MED13: variants seen among roughly 807,000 people sequenced by gnomAD.
The protein encoded by MED13 is mediator complex subunit 13.
A neutral mutation model predicts 225.2 loss-of-function variants in MED13; 23 were observed. The observed-to-expected ratio is 0.10, with a 90% CI of 0.07 to 0.14. The LOEUF is 0.14. MED13 is among the 10% of genes least tolerant of loss of function. The pLI is 1.00. For synonymous variants in MED13, 942 were observed against 889.2 expected (o/e 1.06, Z -1.06); for missense variants, 2,197 against 2,594.5 (o/e 0.85, Z 3.33).
chr17:62,018,465 G>A (rs557261052), intron 8 of MED13, among the ~76,000 whole-genome samples: 2 of 152,278 alleles, frequency 1.3e-5, no homozygotes, highest in African/African-American at 4.8e-5. Context: ...AACACTTTGG[G>A]AGGCTGAGGT....
chr17:61,969,573 G>T (rs1442445338), intron 17 of MED13, among the ~76,000 whole-genome samples: 1 of 151,974 alleles, frequency 6.6e-6, no homozygotes, highest in Non-Finnish European at 1.5e-5. Context: ...TAAGAGCGCA[G>T]ATCTCATGTT....
chr17:61,971,912 C>A (rs958278970), intron 17 of MED13, among the ~76,000 whole-genome samples: 2 of 151,342 alleles, frequency 1.3e-5, no homozygotes, highest in East Asian at 1.9e-4. Flanking sequence ...CCAGCCTGGG[C>A]GACAAAGCGA....
At chr17:62,023,470 TAA>T (rs1307384020) in intron 8 of MED13, among the ~76,000 whole-genome samples, 1 of 152,106 alleles carries the variant, frequency 6.6e-6, no homozygotes, top group Non-Finnish European at 1.5e-5. Flanking sequence ...TGCTCAGTAG[TAA>T]CTGGGACCAT....
chr17:62,014,615 C>G (rs2080545418), intron 8 of MED13, among the ~76,000 whole-genome samples: 1 of 152,162 alleles, frequency 6.6e-6, no homozygotes, highest in African/African-American at 2.4e-5. Flanking sequence ...CTGCACCCAG[C>G]CTGTATATGG....
intron 3 of MED13, among the ~76,000 whole-genome samples, chr17:62,051,385 A>C (rs572135399): frequency 1.3e-5 from 2 of 152,320 alleles, no homozygotes; most frequent in African/African-American, 4.8e-5. Context: ...TGATGACATT[A>C]TTGAACAGCT....
rs752598009 is a variant in MED13 at position 61,968,295 on chromosome 17, A to G, written c.3968-37T>C. 2.9e-6 allele frequency: 4 copies of G among 1,376,696 alleles called. No individual in the cohort carries two copies. The South Asian group carries it at 5.5e-5, about 19-fold the overall frequency. 85.3% of individuals were successfully genotyped at this position (1,376,696 alleles called of 1,614,324 possible). On this transcript the variant is annotated intron_variant, in intron 17 of 29. Coordinates refer to ENST00000397786, the MANE Select transcript of MED13 (RefSeq NM_005121.3). Reference sequence around the variant, plus strand: ...AGATGTATTTTAAGAAAACACTTAAAAACAAGACATGTCTCCTTTTTATTT... The same window carrying G: ...AGATGTATTTTAAGAAAACACTTAAGAACAAGACATGTCTCCTTTTTATTT...
At chr17:62,063,467 G>GA (rs1445324778) in intron 1 of MED13, among the ~76,000 whole-genome samples, 166 bp from the exon 2 acceptor site, 1 of 152,102 alleles carries the variant, frequency 6.6e-6, no homozygotes, top group Non-Finnish European at 1.5e-5. Context: ...CAACAACCAA[G>GA]AATTTTAGGG....
chr17:62,015,819 T>C lies in MED13; in HGVS notation c.1284-4586A>G, dbSNP rs1244230998. Reference sequence around the variant, plus strand: ...CACTATATATATCTATATATATACATACACACTATATATATACACACACAC... The same window carrying C: ...CACTATATATATCTATATATATACACACACACTATATATATACACACACAC... On this transcript the variant is annotated intron_variant, in intron 8 of 29. Coordinates refer to ENST00000397786, the MANE Select transcript of MED13 (RefSeq NM_005121.3). Among the ~76,000 whole-genome samples, 62 of 120,450 alleles carry C rather than the reference T, an allele frequency of 5.1e-4. 1 individual carries two copies. The highest frequency in any genetic ancestry group is 7.1e-4 in the Non-Finnish European group (42 of 58,830). 79.0% of individuals were successfully genotyped at this position (120,450 alleles called of 152,430 possible). A position where few individuals can be genotyped will look rare whatever the true frequency, so the allele number is the denominator to read the frequency against.
At chr17:62,049,427 G>C (rs2143747705) in intron 3 of MED13, among the ~76,000 whole-genome samples, 1 of 152,264 alleles carries the variant, frequency 6.6e-6, no homozygotes, top group African/African-American at 2.4e-5. Context: ...CAAGCCATCT[G>C]TCTCTATCAT....
chr17:61,955,389 G>A lies in MED13; in HGVS notation c.5961C>T (p.Pro1987=). The A allele has an allele frequency of 1.3e-6, 2 of 1,542,874 alleles. No individual in the cohort carries two copies. Among genetic ancestry groups the A allele is most frequent in the Non-Finnish European group, 1.7e-6 (2 of 1,150,348 alleles). Residue 1987 remains proline (P), a synonymous_variant, in exon 26 of 30, where the codon CCC becomes CCT. Coordinates refer to ENST00000397786, the MANE Select transcript of MED13 (RefSeq NM_005121.3). ...ATGGAACAAATTACGTACCATTGTT[G>A]GGATTGAAAGCTAAATCCAAATTTT... ...TTENLDLAFN[P]NNDGADGMGI...
chr17:62,047,208 T>A (rs62070673), intron 3 of MED13, among the ~76,000 whole-genome samples: 3,574 of 151,984 alleles, frequency 0.024, 49 homozygotes, highest in Non-Finnish European at 0.033. Flanking sequence ...CCGTCTCTAC[T>A]AAAAATACAA....
chr17:61,980,977 G>C (rs1488178657), intron 16 of MED13, among the ~76,000 whole-genome samples: 1 of 151,084 alleles, frequency 6.6e-6, no homozygotes, highest in African/African-American at 2.4e-5. Flanking sequence ...GCCCACCTCA[G>C]TCTCCCAAAG....
At chr17:61,991,370 C>CG (rs570956135) in intron 11 of MED13, among the ~76,000 whole-genome samples, 102 of 151,948 alleles carry the variant, frequency 6.7e-4, no homozygotes, top group African/African-American at 2.4e-3. Flanking sequence ...CCACCTGCCT[C>CG]GGCCTTACAG....
At chr17:61,989,460 T>C (rs758809454) in intron 11 of MED13, among the ~76,000 whole-genome samples, 4 of 152,160 alleles carry the variant, frequency 2.6e-5, no homozygotes, top group Non-Finnish European at 5.9e-5. Context: ...TGCCTCAGCC[T>C]CCCAAATAGA....
intron 2 of MED13, among the ~76,000 whole-genome samples, chr17:62,057,273 T>C (rs1426585179): frequency 6.6e-6 from 1 of 152,220 alleles, no homozygotes; most frequent in Non-Finnish European, 1.5e-5. Flanking sequence ...TAATCATTAA[T>C]AACCTATACA....
intron 9 of MED13, among the ~76,000 whole-genome samples, chr17:62,007,827 G>A (rs1035593606): frequency 2.6e-5 from 4 of 151,776 alleles, no homozygotes; most frequent in South Asian, 2.1e-4. Context: ...CAGCCTGGGC[G>A]AGAGAACGAG....
Position 62,048,058 on chromosome 17 carries a change from A to ATATG in MED13, c.470+4478_470+4479insCATA, listed in dbSNP as rs1568001091. On this transcript the variant is annotated intron_variant, in intron 3 of 29. Coordinates refer to ENST00000397786, the MANE Select transcript of MED13 (RefSeq NM_005121.3). The stretch of plus-strand genomic sequence containing the variant: ...TATACATATACATATATATATATAT[A>ATATG]TATATGTATATATGTATATATATAT... Among the ~76,000 whole-genome samples the ATATG allele has an allele frequency of 2.9e-4, 42 of 143,296 alleles. 1 individual carries two copies. The highest frequency in any genetic ancestry group is 2.4e-3 in the East Asian group (12 of 5,038). 94.0% of individuals were successfully genotyped at this position (143,296 alleles called of 152,430 possible).
Position 61,982,185 on chromosome 17 carries a change from T to C in MED13, c.3805+13A>G. 1.3e-6 allele frequency: 2 copies of C among 1,579,668 alleles called. No homozygotes were observed. The highest frequency in any genetic ancestry group is 1.7e-6 in the Non-Finnish European group (2 of 1,164,876). On this transcript the variant is annotated intron_variant, in intron 16 of 29. Transcript: ENST00000397786. ...ATAAGCAAACAAAAAAGTATTTTAT[T>C]GGCATACTTTACCGTTTCTTTTGGA...
At chr17:61,975,139 T>C (rs1391287702) in intron 16 of MED13, among the ~76,000 whole-genome samples, 3 of 138,852 alleles carry the variant, frequency 2.2e-5, no homozygotes, top group African/African-American at 8.0e-5. Context: ...CCCCGTATCT[T>C]AAAAAAAAAA....
Sources: gnomAD v4.1 joint callset for allele counts (sites outside exome capture counted in the v4.1 genomes callset) on GRCh38, gnomAD v4.1.1 for gene constraint, MANE v1.5 for transcripts, NCBI Gene and HGNC (gene_info 2026-07-23, HGNC 2026-07-21) for gene names.